SETX: variants seen among roughly 807,000 people sequenced by gnomAD.
The protein encoded by SETX is helicase senataxin.
In SETX, 90 loss-of-function variants were observed where a neutral mutation model predicts 227.2. The ratio of observed to expected loss-of-function variants is 0.40; its 90% CI spans 0.33 to 0.47. The LOEUF (loss-of-function observed/expected upper bound fraction) is 0.47. Ranked by LOEUF, SETX falls within the 20% of genes least tolerant of loss-of-function variation. The pLI is 0.91. For synonymous variants in SETX, 1,210 were observed against 1,113.2 expected, an observed-to-expected ratio of 1.09 and a Z score of -1.73; for missense variants, 3,052 against 3,181.5, an observed-to-expected ratio of 0.96 and a Z score of 0.98.
In SETX at chr9:132,336,772, G is replaced by A. The variant is rs368467636; in HGVS notation, c.499-257C>T. On this transcript the variant is annotated intron_variant, in intron 5 of 25. Transcript: ENST00000224140. The stretch of plus-strand genomic sequence containing the variant: ...AATTATTCTTTTAGATGCAATAATA[G>A]TATTTTTCTGGCTGGGTGCAGTGGC... Among the ~76,000 whole-genome samples the A allele has an allele frequency of 4.6e-5, 7 of 152,152 alleles. No individual in the cohort carries two copies. In the East Asian group the frequency reaches 1.3e-3, roughly 29 times the overall value.
chr9:132,277,827 G>A, intron 21 of SETX, among the ~76,000 whole-genome samples: 1 of 148,846 alleles, frequency 6.7e-6, no homozygotes, highest in Non-Finnish European at 1.5e-5. Context: ...TGCTGAAAGT[G>A]GATATACCAA....
chr9:132,296,017 C>G lies in SETX; in HGVS notation c.5961G>C (p.Lys1987Asn), dbSNP rs1844649072. 2 of 1,614,154 alleles carry G rather than the reference C, an allele frequency of 1.2e-6. No individual in the cohort carries two copies. Among genetic ancestry groups the G allele is most frequent in the African/African-American group, 1.3e-5 (1 of 75,042 alleles). The stretch of plus-strand genomic sequence containing the variant: ...CATTGGAGTTTTCGTCTGAATGCCC[C>G]TTCCTCTGGTTCTACAATTTGCCAC... The part of the protein sequence containing the change: ...LYRLLTENQR[K>N]GHSDENSNAK... The change falls in exon 15 of 26, where the codon AAG (lysine) becomes AAC (asparagine). Residue 1987 changes from lysine (K) to asparagine (N), a missense_variant. Transcript: ENST00000224140.
Position 132,328,379 on chromosome 9 carries a change from A to T in SETX, c.3219T>A (p.Phe1073Leu). The T allele has an allele frequency of 1.2e-6, 2 of 1,614,084 alleles. No individual in the cohort carries two copies. The highest frequency in any genetic ancestry group is 1.7e-6 in the Non-Finnish European group (2 of 1,180,006). The change falls in exon 10 of 26, where the codon TTT becomes TTA. Residue 1073 changes from phenylalanine to leucine, a missense_variant. Physicochemically the swap from Phe to Leu is conservative, Grantham distance 22. Transcript: ENST00000224140. ...KEEKTETLFQ[F>L]EESDSQCFEF... ...CAAAACACTGAGAATCAGATTCCTC[A>T]AACTGAAAAAGAGTCTCTGTCTTTT...
intron 2 of SETX, among the ~76,000 whole-genome samples, chr9:132,350,660 T>A (rs1848553213): frequency 6.6e-6 from 1 of 152,222 alleles, no homozygotes. Flanking sequence ...TTTTTTAAAA[T>A]TTATTAAATA....
chr9:132,347,520 C>A (rs930756518), intron 3 of SETX, among the ~76,000 whole-genome samples: 4 of 151,940 alleles, frequency 2.6e-5, no homozygotes, highest in Non-Finnish European at 1.5e-5. Context: ...CCATGATGGC[C>A]AGGCTGGTCT....
intron 7 of SETX, among the ~76,000 whole-genome samples, 160 bp downstream of exon 7, chr9:132,334,448 C>T (rs1296176627): frequency 1.3e-5 from 2 of 152,066 alleles, no homozygotes; most frequent in Non-Finnish European, 2.9e-5. Context: ...GACTTCGTAT[C>T]AAAAAACAAA....
In SETX at chr9:132,271,887, G is replaced by GT; in HGVS notation, c.7101-80_7101-79insA. 7 of 1,341,434 alleles carry GT rather than the reference G, an allele frequency of 5.2e-6. No homozygotes were observed. The African/African-American group carries it at 6.0e-5, about 12-fold the overall frequency. The allele number at this position is 1,341,434 out of a possible 1,614,324, so 83.1% of individuals were successfully genotyped here. On this transcript the variant is annotated intron_variant, in intron 23 of 25. Coordinates refer to ENST00000224140, the MANE Select transcript of SETX (RefSeq NM_015046.7). The stretch of plus-strand genomic sequence containing the variant: ...ATACATATTTATAAACTAGTTTTTT[G>GT]GTTTTTTTTTTTTGAGACGGAGTCT...
At chr9:132,349,515 T>G in intron 2 of SETX, 80 bp from the exon 3 acceptor site, 1 of 1,423,738 alleles carries the variant, frequency 7.0e-7, no homozygotes, top group South Asian at 1.2e-5. Flanking sequence ...ACTTTCAACT[T>G]GTGACCCTGG....
chr9:132,289,159 T>C (rs7848311), intron 15 of SETX, among the ~76,000 whole-genome samples: 48,265 of 151,980 alleles, frequency 0.32, 11,045 homozygotes, highest in East Asian at 0.68. Flanking sequence ...ATGACCAGAA[T>C]GTGACCTGCT....
chr9:132,352,382 T>C (rs938787585), intron 2 of SETX, among the ~76,000 whole-genome samples: 1 of 152,182 alleles, frequency 6.6e-6, no homozygotes, highest in Non-Finnish European at 1.5e-5. Flanking sequence ...TCAGTACTCT[T>C]TCTGGGCGGC....
chr9:132,285,948 G>GC (rs2131230950), intron 18 of SETX, among the ~76,000 whole-genome samples: 1 of 149,548 alleles, frequency 6.7e-6, no homozygotes, highest in African/African-American at 2.5e-5. Flanking sequence ...TTTGAGGGAG[G>GC]CTGAGGCAGG....
In SETX at chr9:132,278,202, AG is replaced by A; in HGVS notation, c.6709del (p.Leu2237TrpfsTer5). 1.2e-6 allele frequency: 2 copies of A among 1,614,188 alleles called. No individual in the cohort carries two copies. The highest frequency in any genetic ancestry group is 1.7e-6 in the Non-Finnish European group (2 of 1,180,028). ...QSMMARFCRL[L>X]EENVEHNMIS... ...CATGTTGTGTTCTACATTCTCTTCCAGCAGTCTGCAGAAGCGAGCCATCATT... is the reference window on the plus strand; with the variant it reads ...CATGTTGTGTTCTACATTCTCTTCCACAGTCTGCAGAAGCGAGCCATCATT... On this transcript the variant is annotated frameshift_variant, in exon 21 of 26. Transcript: ENST00000224140. LOFTEE classifies it high-confidence loss of function.
In SETX at chr9:132,264,111, G is replaced by C; in HGVS notation, c.*128C>G. 2.3e-6 allele frequency: 3 copies of C among 1,321,088 alleles called. No homozygotes were observed. The highest frequency in any genetic ancestry group is 3.2e-6 in the Non-Finnish European group (3 of 932,444). 81.8% of individuals were successfully genotyped at this position (1,321,088 alleles called of 1,614,324 possible). A position where few individuals can be genotyped will look rare whatever the true frequency, so the allele number is the denominator to read the frequency against. ...GACCAGAGGCTCAGGTGTTAAGGATGCATTTTCCATGTTTTCCAACAGCAC... is the reference window on the plus strand; with the variant it reads ...GACCAGAGGCTCAGGTGTTAAGGATCCATTTTCCATGTTTTCCAACAGCAC... On this transcript the variant is annotated 3_prime_UTR_variant, in exon 26 of 26. Coordinates refer to ENST00000224140, the MANE Select transcript of SETX (RefSeq NM_015046.7).
intron 25 of SETX, chr9:132,269,331 T>C (rs904443108): frequency 8.6e-7 from 1 of 1,167,656 alleles, no homozygotes. Flanking sequence ...TTTGGCACTT[T>C]ACATCTGTGG....
intron 10 of SETX, among the ~76,000 whole-genome samples, chr9:132,325,563 A>C (rs1257439673): frequency 6.6e-6 from 1 of 152,134 alleles, no homozygotes; most frequent in East Asian, 1.9e-4. Context: ...TGCGTCAATA[A>C]ACATTTCCTT....
rs1843281910 is a variant in SETX at position 132,278,221 on chromosome 9, C to A, written c.6691G>T (p.Ala2231Ser). 4.3e-6 allele frequency: 7 copies of A among 1,613,998 alleles called. No individual in the cohort carries two copies. The highest frequency in any genetic ancestry group is 1.3e-5 in the African/African-American group (1 of 74,912). The change falls in exon 21 of 26, where the codon GCT (alanine) becomes TCT (serine). Residue 2231 changes from alanine to serine, a missense_variant. By Grantham distance (99) the Ala-to-Ser change is moderately conservative. This residue lies in a region of SETX where 412 missense variants were observed against 589.0 expected (regional missense o/e 0.70). Transcript: ENST00000224140. ...QEYGYDQSMM[A>S]RFCRLLEENV... is the part of the protein sequence containing the mutation. Reference sequence around the variant, plus strand: ...TCTTCCAGCAGTCTGCAGAAGCGAGCCATCATTGACTGGTCGTAGCCATAC... The same window carrying A: ...TCTTCCAGCAGTCTGCAGAAGCGAGACATCATTGACTGGTCGTAGCCATAC...
chr9:132,354,127 C>A (rs1848751443), intron 1 of SETX, among the ~76,000 whole-genome samples: 2 of 152,200 alleles, frequency 1.3e-5, no homozygotes, highest in Non-Finnish European at 2.9e-5. Flanking sequence ...TTGGGTCGTG[C>A]AAATTGCTGG....
At chr9:132,269,312 A>C in intron 25 of SETX, 1 of 920,334 alleles carries the variant, frequency 1.1e-6, no homozygotes, top group African/African-American at 1.7e-5. Flanking sequence ...CTAAGTGCCA[A>C]GCAATTGCTT....
chr9:132,295,936 A>C lies in SETX; in HGVS notation c.6042T>G (p.Asp2014Glu). Residue 2014 changes from aspartate to glutamate, a missense_variant, in exon 15 of 26, where the codon GAT (aspartate) becomes GAG (glutamate). By Grantham distance (45) the Asp-to-Glu change is conservative. This residue lies in a region of SETX where 412 missense variants were observed against 589.0 expected (regional missense o/e 0.70). Transcript: ENST00000224140. ...LVCAPSNAAV[D>E]ELMKKIILEF... ...CAAGGATAATTTTTTTCATGAGTTC[A>C]TCAACAGCTGCATTGGAAGGTGCAC... The C allele has an allele frequency of 6.2e-7, 1 of 1,614,186 alleles. No individual in the cohort carries two copies. Among genetic ancestry groups the C allele is most frequent in the South Asian group, 1.1e-5 (1 of 91,086 alleles).
Sources: allele counts gnomAD v4.1 joint callset (sites outside exome capture counted in the v4.1 genomes callset), GRCh38; gene constraint gnomAD v4.1.1; regional missense constraint gnomAD v4.1.1; transcripts MANE v1.5; gene names NCBI Gene and HGNC (gene_info 2026-07-23, HGNC 2026-07-21).